Variants in SMOC2 observed in about 807,000 individuals in gnomAD.
SMOC2 encodes the protein SPARC-related modular calcium-binding protein 2.
A neutral mutation model predicts 61.4 loss-of-function variants in SMOC2; 39 were observed. The ratio of observed to expected loss-of-function variants is 0.64; its 90% CI spans 0.49 to 0.83. The LOEUF (loss-of-function observed/expected upper bound fraction) is 0.83, where lower values mean the gene tolerates loss of function less well. SMOC2 is among the 40% of genes least tolerant of loss of function. The probability of loss-of-function intolerance (pLI) is 0.00; values close to 1 mark genes in which losing one functional copy is unlikely to be tolerated. For synonymous variants in SMOC2, 247 were observed against 239.9 expected (o/e 1.03, Z -0.27); for missense variants, 556 against 592.9 (o/e 0.94, Z 0.65).
At chr6:168,449,203 C>G (rs1781404853) in intron 1 of SMOC2, among the ~76,000 whole-genome samples, 1 of 152,120 alleles carries the variant, frequency 6.6e-6, no homozygotes, top group African/African-American at 2.4e-5. Context: ...ACACGCTTGC[C>G]CCCTTATTCC....
chr6:168,579,950 T>C (rs911663887), intron 7 of SMOC2, among the ~76,000 whole-genome samples: 3 of 152,094 alleles, frequency 2.0e-5, no homozygotes, highest in Non-Finnish European at 4.4e-5. Flanking sequence ...CACAGGTAAT[T>C]CCCCTACAAA....
chr6:168,538,385 T>C (rs1412857238), intron 4 of SMOC2, among the ~76,000 whole-genome samples: 30 of 48,264 alleles, frequency 6.2e-4, no homozygotes, highest in African/African-American at 8.8e-5. Context: ...ATGTGGGGAG[T>C]GGGGTGACCC....
At chr6:168,467,099 C>G (rs1196945086) in intron 1 of SMOC2, among the ~76,000 whole-genome samples, 1 of 150,648 alleles carries the variant, frequency 6.6e-6, no homozygotes, top group African/African-American at 2.4e-5. Context: ...GCCGTCCAGA[C>G]TGCAGTGGGA....
At chr6:168,652,126 C>T (rs978911339) in intron 10 of SMOC2, among the ~76,000 whole-genome samples, 2 of 151,762 alleles carry the variant, frequency 1.3e-5, no homozygotes, top group East Asian at 1.9e-4. Context: ...AGATTGTTTT[C>T]GCAAACTAAG....
chr6:168,591,574 T>C (rs1456118319), intron 7 of SMOC2, among the ~76,000 whole-genome samples: 1 of 151,184 alleles, frequency 6.6e-6, no homozygotes, highest in Non-Finnish European at 1.5e-5. Context: ...AAAAATGTTG[T>C]AATGTGGGAG....
chr6:168,476,946 C>G lies in SMOC2; in HGVS notation c.85-32969C>G, dbSNP rs938186983. On this transcript the variant is annotated intron_variant, in intron 1 of 12. Coordinates refer to ENST00000356284, the MANE Select transcript of SMOC2 (RefSeq NM_001166412.2). ...AAGTTGAGCATCAGCAACTTTATTT[C>G]CCTTGGTTCTCCATCTAAGAGCCTA... 2.6e-5 allele frequency among the ~76,000 whole-genome samples: 4 copies of G among 151,000 alleles called. 1 individual carries two copies. Among genetic ancestry groups the G allele is most frequent in the Admixed American group, 2.6e-4 (4 of 15,254 alleles).
intron 1 of SMOC2, among the ~76,000 whole-genome samples, chr6:168,496,844 C>T (rs1422476338): frequency 6.6e-6 from 1 of 152,228 alleles, no homozygotes; most frequent in Admixed American, 6.5e-5. Flanking sequence ...GGAAGGATTC[C>T]ATGTCTGGGC....
chr6:168,526,371 G>A lies in SMOC2; in HGVS notation c.282G>A (p.Arg94=), dbSNP rs865913154. Residue 94 remains arginine (R), a synonymous_variant, in exon 3 of 13, where the codon AGG becomes AGA. Coordinates refer to ENST00000356284, the MANE Select transcript of SMOC2 (RefSeq NM_001166412.2). ...CKDVSRCVAE[R]KYTQEQARKE... ...ACGTGTCCAGGTGTGTGGCCGAAAG[G>A]AAGTATACCCAGGAGCAAGCCCGGA... 5.0e-6 allele frequency: 8 copies of A among 1,614,218 alleles called. No homozygotes were observed. Among genetic ancestry groups the A allele is most frequent in the African/African-American group, 1.3e-5 (1 of 75,054 alleles).
intron 9 of SMOC2, among the ~76,000 whole-genome samples, chr6:168,624,733 CA>C (rs1386983296): frequency 6.6e-6 from 1 of 151,860 alleles, no homozygotes; most frequent in South Asian, 2.1e-4. Context: ...CACACAGACA[CA>C]ATACAGATTC....
chr6:168,495,259 G>A (rs924581525), intron 1 of SMOC2, among the ~76,000 whole-genome samples: 1 of 151,906 alleles, frequency 6.6e-6, no homozygotes, highest in Admixed American at 6.6e-5. Context: ...CCAGGTGTAG[G>A]TCCCTCTGCG....
chr6:168,638,367 T>C (rs888183938), intron 9 of SMOC2, among the ~76,000 whole-genome samples: 1 of 152,206 alleles, frequency 6.6e-6, no homozygotes, highest in African/African-American at 2.4e-5. Flanking sequence ...GGAACATAAC[T>C]TTAAGAGCAA....
chr6:168,566,208 T>G (rs1261387143), intron 7 of SMOC2, among the ~76,000 whole-genome samples: 1 of 152,044 alleles, frequency 6.6e-6, no homozygotes, highest in Admixed American at 6.6e-5. Context: ...AATAAATAAT[T>G]CTATCTTATT....
intron 1 of SMOC2, among the ~76,000 whole-genome samples, chr6:168,476,209 A>AT (rs1491369455): frequency 6.6e-6 from 1 of 152,132 alleles, no homozygotes; most frequent in African/African-American, 2.4e-5. Flanking sequence ...GAGTTAACAG[A>AT]TATGGCGGAA....
intron 1 of SMOC2, among the ~76,000 whole-genome samples, chr6:168,506,945 C>G (rs1326557424): frequency 6.6e-6 from 1 of 152,202 alleles, no homozygotes; most frequent in Non-Finnish European, 1.5e-5. Flanking sequence ...TATTTTCTTA[C>G]ATGCACTGTC....
chr6:168,600,749 G>C (rs1463835657), intron 8 of SMOC2, among the ~76,000 whole-genome samples: 2 of 152,244 alleles, frequency 1.3e-5, no homozygotes. Flanking sequence ...ATTCACATAT[G>C]TGTGCCCCAA....
chr6:168,504,763 G>GGGCA (rs1782821666), intron 1 of SMOC2, among the ~76,000 whole-genome samples: 1 of 151,316 alleles, frequency 6.6e-6, no homozygotes. Context: ...AGCTTCACTA[G>GGGCA]GGCAGGCTCT....
chr6:168,441,652 A>G (rs1781212784), intron 1 of SMOC2, among the ~76,000 whole-genome samples, 198 bp downstream of exon 1: 1 of 152,046 alleles, frequency 6.6e-6, no homozygotes, highest in African/African-American at 2.4e-5. Context: ...CCCGGCTGGG[A>G]TGGGCTTCTG....
intron 9 of SMOC2, among the ~76,000 whole-genome samples, chr6:168,609,041 A>C (rs972251167): frequency 2.0e-5 from 3 of 152,244 alleles, no homozygotes; most frequent in African/African-American, 7.2e-5. Context: ...GTAAAAAGTA[A>C]AGATGTTCGG....
intron 11 of SMOC2, among the ~76,000 whole-genome samples, chr6:168,662,158 A>G (rs1787525302): frequency 6.6e-6 from 1 of 152,238 alleles, no homozygotes; most frequent in African/African-American, 2.4e-5. Context: ...TTTGAAAACT[A>G]TTGACCAAGT....
Sources: gnomAD v4.1 joint callset for allele counts (sites outside exome capture counted in the v4.1 genomes callset) on GRCh38, gnomAD v4.1.1 for gene constraint, MANE v1.5 for transcripts, NCBI Gene and HGNC (gene_info 2026-07-23, HGNC 2026-07-21) for gene names.